Variants in LZIC observed in about 807,000 individuals in gnomAD.
The protein encoded by LZIC is leucine zipper and CTNNBIP1 domain containing.
A neutral mutation model predicts 25.4 loss-of-function variants in LZIC; 28 were observed. That is an observed-to-expected ratio of 1.10 (90% confidence interval 0.82 to 1.51). The LOEUF (loss-of-function observed/expected upper bound fraction) is 1.51, where lower values mean the gene tolerates loss of function less well. LZIC is among the 40% of genes most tolerant of loss of function. The pLI is 0.00. For synonymous variants in LZIC, 65 were observed against 70.7 expected (o/e 0.92, Z 0.40); for missense variants, 170 against 211.1 (o/e 0.81, Z 1.21).
downstream of LZIC, among the ~76,000 whole-genome samples, chr1:9,926,132 G>A (rs747200372): frequency 2.0e-5 from 3 of 151,224 alleles, no homozygotes; most frequent in Admixed American, 1.3e-4. Flanking sequence ...TGATCTGCCC[G>A]CCTCCGCCTC....
chr1:9,931,966 C>G lies in LZIC; in HGVS notation c.439G>C (p.Ala147Pro), dbSNP rs146375448. 1.4e-3 allele frequency: 2,207 copies of G among 1,612,618 alleles called. 16 individuals are homozygous for G. The Middle Eastern group carries it at 0.031, about 23-fold the overall frequency. Residue 147 changes from alanine to proline, a missense_variant, in exon 7 of 8, where the codon GCA becomes CCA. Physicochemically the swap from Ala to Pro is conservative, Grantham distance 27 (BLOSUM62 -1). Coordinates refer to ENST00000377223, the MANE Select transcript of LZIC (RefSeq NM_032368.5). ...ALRKLGEKLT[A>P]DDEAFLSANA... is the part of the protein sequence containing the mutation. ...GCTGACAAGAAGGCCTCATCATCTG[C>G]AGTCAGCTAAACAAAATGAAACAAA...
intron 2 of LZIC, among the ~76,000 whole-genome samples, chr1:9,939,960 A>T (rs1640635332): frequency 6.6e-6 from 1 of 151,942 alleles, no homozygotes; most frequent in Non-Finnish European, 1.5e-5. Context: ...CTCTACAATA[A>T]ATTAAAATAT....
chr1:9,928,469 C>CA lies in LZIC; in HGVS notation c.*1929dup, dbSNP rs1356503758. ...CAATAGCCAAAAGAAGGAAACAACC[C>CA]AAATCATCAACAGATACCGGATAAA... On this transcript the variant is annotated 3_prime_UTR_variant, in exon 8 of 8. Coordinates refer to ENST00000377223, the MANE Select transcript of LZIC (RefSeq NM_032368.5). Among the ~76,000 whole-genome samples the CA allele has an allele frequency of 6.6e-6, 1 of 152,030 alleles. No individual in the cohort carries two copies. Among genetic ancestry groups the CA allele is most frequent in the African/African-American group, 2.4e-5 (1 of 41,372 alleles).
chr1:9,943,059 T>G (rs1243132479), intron 1 of LZIC, 190 bp downstream of exon 1: 1 of 277,088 alleles, frequency 3.6e-6, no homozygotes, highest in African/African-American at 2.2e-5. Context: ...TCCTTGAAAG[T>G]GAGGAGGGTT....
chr1:9,939,516 G>A (rs940243474), intron 2 of LZIC, among the ~76,000 whole-genome samples: 3 of 140,954 alleles, frequency 2.1e-5, no homozygotes, highest in African/African-American at 7.7e-5. Flanking sequence ...GAGTAGCTAG[G>A]ATTACAGGTG....
At position 9,936,509 on chromosome 1, in the gene LZIC, A is replaced by G. The variant is rs1640465293; in HGVS notation, c.101+10T>C. ...GTTTCCAGCATAACAACATACAATT[A>G]AACTCTTACCTGCATTCCTCCAGAT... On this transcript the variant is annotated intron_variant, in intron 3 of 7. Transcript: ENST00000377223. 3 of 1,589,904 alleles carry G rather than the reference A, an allele frequency of 1.9e-6. No individual in the cohort carries two copies. Among genetic ancestry groups the G allele is most frequent in the Non-Finnish European group, 2.6e-6 (3 of 1,158,640 alleles).
rs909466331 is a variant in LZIC at position 9,935,757 on chromosome 1, G to A, written c.102-130C>T. On this transcript the variant is annotated intron_variant, in intron 3 of 7. Transcript: ENST00000377223. The stretch of plus-strand genomic sequence containing the variant: ...TGCTGATGGTGAATGTGTTCACATA[G>A]TAGTAGTGAGGGCATTTTCCTGCAA... 7.5e-6 allele frequency: 6 copies of A among 800,606 alleles called. No individual in the cohort carries two copies. In the Admixed American group the frequency reaches 1.9e-4, roughly 26 times the overall value. 49.6% of individuals were successfully genotyped at this position (800,606 alleles called of 1,614,324 possible). A position where few individuals can be genotyped will look rare whatever the true frequency, so the allele number is the denominator to read the frequency against.
Position 9,932,820 on chromosome 1 carries a change from T to C in LZIC, c.415A>G (p.Arg139Gly). The change falls in exon 6 of 8, where the codon AGG (arginine) becomes GGG (glycine). Residue 139 changes from arginine (R) to glycine (G), a missense_variant. By Grantham distance (125) the Arg-to-Gly change is moderately radical. Transcript: ENST00000377223. ...ACTGGTACCTTCTCTCCAAGTTTCC[T>C]AAGAGCTGTTAGTATCTCCACTTTC... Reference protein sequence around the residue: ...QQKVEILTALRKLGEKLTADD... With the variant: ...QQKVEILTALGKLGEKLTADD... The C allele has an allele frequency of 6.2e-7, 1 of 1,607,176 alleles. No individual in the cohort carries two copies. Among genetic ancestry groups the C allele is most frequent in the Non-Finnish European group, 8.5e-7 (1 of 1,174,016 alleles).
downstream of LZIC, chr1:9,922,186 A>G (rs897085328): frequency 5.4e-6 from 3 of 560,702 alleles, no homozygotes; most frequent in Non-Finnish European, 6.8e-6. Context: ...AAGCGCTTAC[A>G]TCATATTCTT....
chr1:9,933,587 C>A (rs1176318149), intron 5 of LZIC, among the ~76,000 whole-genome samples: 1 of 151,868 alleles, frequency 6.6e-6, no homozygotes. Context: ...GACAGAGAAA[C>A]CTAGGCACAA....
In LZIC at chr1:9,943,250, T is replaced by A. The variant is rs1215425981; in HGVS notation, c.-169A>T. The A allele has an allele frequency of 6.3e-6, 1 of 157,968 alleles. No homozygotes were observed. The highest frequency in any genetic ancestry group is 1.4e-5 in the Non-Finnish European group (1 of 70,802). The allele number at this position is 157,968 out of a possible 1,614,324, so 9.8% of individuals were successfully genotyped here. A position where few individuals can be genotyped will look rare whatever the true frequency, so the allele number is the denominator to read the frequency against. Reference sequence around the variant, plus strand: ...CCCCGAAACTCCTTCCGGGCCTACCTGACAAAAACTGGGACAACCTCCTTA... The same window carrying A: ...CCCCGAAACTCCTTCCGGGCCTACCAGACAAAAACTGGGACAACCTCCTTA... On this transcript the variant is annotated splice_region_variant and 5_prime_UTR_variant, in exon 1 of 8. Transcript: ENST00000377223.
chr1:9,931,321 G>A (rs563259720), intron 7 of LZIC, among the ~76,000 whole-genome samples: 12 of 151,722 alleles, frequency 7.9e-5, no homozygotes, highest in African/African-American at 2.9e-4. Context: ...GGTGTGCAGT[G>A]GCACAATCTC....
In LZIC at chr1:9,930,562, A is replaced by G; in HGVS notation, c.515-105T>C. 2.7e-6 allele frequency: 4 copies of G among 1,494,094 alleles called. No individual in the cohort carries two copies. The South Asian group carries it at 4.7e-5, about 18-fold the overall frequency. 92.6% of individuals were successfully genotyped at this position (1,494,094 alleles called of 1,614,324 possible). A position where few individuals can be genotyped will look rare whatever the true frequency, so the allele number is the denominator to read the frequency against. ...TCATATAGATATTAAAACAGAAAAT[A>G]TAATTAGCCTCCATTATCAGTGTAT... On this transcript the variant is annotated intron_variant, in intron 7 of 7. Transcript: ENST00000377223.
intron 2 of LZIC, among the ~76,000 whole-genome samples, chr1:9,939,590 G>C (rs1403150830): frequency 2.5e-5 from 3 of 118,180 alleles, no homozygotes; most frequent in Non-Finnish European, 3.3e-5. Flanking sequence ...ACAGTGTTTC[G>C]CCATGTTGGC....
At chr1:9,930,549 T>G (rs1640164703) in intron 7 of LZIC, 92 bp from the exon 8 acceptor site, 1 of 1,543,082 alleles carries the variant, frequency 6.5e-7, no homozygotes, top group African/African-American at 1.4e-5. Context: ...ATATAGATAT[T>G]AAAACAGAAA....
rs567848934 is a variant in LZIC at position 9,928,456 on chromosome 1, G to C, written c.*1943C>G. On this transcript the variant is annotated 3_prime_UTR_variant, in exon 8 of 8. Transcript: ENST00000377223. Reference sequence around the variant, plus strand: ...GAAGCATTATTCACAATAGCCAAAAGAAGGAAACAACCCAAATCATCAACA... The same window carrying C: ...GAAGCATTATTCACAATAGCCAAAACAAGGAAACAACCCAAATCATCAACA... Among the ~76,000 whole-genome samples the C allele has an allele frequency of 8.5e-5, 13 of 152,260 alleles. No homozygotes were observed. Among genetic ancestry groups the C allele is most frequent in the Non-Finnish European group, 1.9e-4 (13 of 68,018 alleles).
Position 9,935,488 on chromosome 1 carries a change from T to G in LZIC, c.237+4A>C, listed in dbSNP as rs757830235. ...GTCCTCTGTCGCCTATATGTTATAC[T>G]TACCAGCTGCATTCCACTTAGTTCA... On this transcript the variant is annotated splice_donor_region_variant and intron_variant, in intron 4 of 7. Coordinates refer to ENST00000377223, the MANE Select transcript of LZIC (RefSeq NM_032368.5). 1.3e-6 allele frequency: 2 copies of G among 1,597,792 alleles called. No homozygotes were observed. Among genetic ancestry groups the G allele is most frequent in the South Asian group, 2.3e-5 (2 of 87,390 alleles).
intron 4 of LZIC, 136 bp from the exon 5 acceptor site, chr1:9,934,996 G>T: frequency 1.4e-6 from 1 of 705,636 alleles, no homozygotes; most frequent in Non-Finnish European, 2.5e-6. Flanking sequence ...ACTAAATGAA[G>T]ATCTGGAAGG....
At chr1:9,933,001 C>T in intron 5 of LZIC, 103 bp from the exon 6 acceptor site, 1 of 756,862 alleles carries the variant, frequency 1.3e-6, no homozygotes, top group Non-Finnish European at 2.2e-6. Context: ...CCTATAATCT[C>T]AACACTTTGG....
Sources: allele counts gnomAD v4.1 joint callset (sites outside exome capture counted in the v4.1 genomes callset), GRCh38; gene constraint gnomAD v4.1.1; transcripts MANE v1.5; gene names NCBI Gene and HGNC (gene_info 2026-07-23, HGNC 2026-07-21).